CAST: variants seen among roughly 807,000 people sequenced by gnomAD.
CAST encodes the protein MIR583 host.
A neutral mutation model predicts 119.6 loss-of-function variants in CAST; 76 were observed. That is an observed-to-expected ratio of 0.64 (90% CI 0.53 to 0.77). The LOEUF is 0.77. CAST is among the 30% of genes least tolerant of loss of function. The probability of loss-of-function intolerance (pLI) is 0.00; values close to 1 mark genes in which losing one functional copy is unlikely to be tolerated. For missense variants in CAST, 953 were observed against 946.5 expected, an observed-to-expected ratio of 1.01 and a Z score of -0.09; for synonymous variants, 319 against 331.6, an observed-to-expected ratio of 0.96 and a Z score of 0.41.
the CAST span, among the ~76,000 whole-genome samples, chr5:95,989,570 C>T: frequency 5.3e-5 from 8 of 152,294 alleles, no homozygotes; most frequent in Non-Finnish European, 1.2e-4. Context: ...TACCTGGACT[C>T]CAAACAGTAA....
At chr5:96,663,897 G>A (rs2150218536) in intron 1 of CAST, among the ~76,000 whole-genome samples, 1 of 147,278 alleles carries the variant, frequency 6.8e-6, no homozygotes, top group South Asian at 2.1e-4. Context: ...CACTTCTAGT[G>A]TTTTGGAACC....
At chr5:96,186,728 G>C in the CAST span, among the ~76,000 whole-genome samples, 1 of 152,166 alleles carries the variant, frequency 6.6e-6, no homozygotes. Context: ...TAAGCTTTTT[G>C]ATGTGCTGGT....
chr5:96,381,753 A>G, the CAST span, among the ~76,000 whole-genome samples: 2 of 152,188 alleles, frequency 1.3e-5, no homozygotes, highest in Non-Finnish European at 2.9e-5. Context: ...TTGATCTCAG[A>G]TACTAGTCTC....
chr5:96,747,503 A>C, intron 18 of CAST, 111 bp downstream of exon 18: 1 of 647,864 alleles, frequency 1.5e-6, no homozygotes, highest in Non-Finnish European at 2.7e-6. Flanking sequence ...ATGCTAACCT[A>C]GTACAGAGGA....
chr5:96,557,869 C>T (rs977242796), intron 1 of CAST, among the ~76,000 whole-genome samples: 1 of 152,204 alleles, frequency 6.6e-6, no homozygotes, highest in Non-Finnish European at 1.5e-5. Flanking sequence ...CAGAAATCTA[C>T]AGAACTCTCC....
At chr5:96,137,514 T>TA in the CAST span, among the ~76,000 whole-genome samples, 1 of 152,086 alleles carries the variant, frequency 6.6e-6, no homozygotes, top group South Asian at 2.1e-4. Context: ...GTCAATTAGG[T>TA]AGATACCTAG....
chr5:96,119,756 G>A, the CAST span, among the ~76,000 whole-genome samples: 1 of 152,164 alleles, frequency 6.6e-6, no homozygotes, highest in Admixed American at 6.5e-5. Flanking sequence ...TGATTCTTCT[G>A]AGAGGAAGGT....
chr5:96,021,614 T>A, the CAST span, among the ~76,000 whole-genome samples: 1 of 152,048 alleles, frequency 6.6e-6, no homozygotes, highest in South Asian at 2.1e-4. Context: ...CCCAGCTAAT[T>A]TTTTTGTATT....
At chr5:95,963,400 G>C in the CAST span, among the ~76,000 whole-genome samples, 1 of 152,164 alleles carries the variant, frequency 6.6e-6, no homozygotes, top group Non-Finnish European at 1.5e-5. Flanking sequence ...GGAAACACCT[G>C]TATTAAGTGT....
chr5:96,565,096 G>GTGTGTT (rs1746443926), intron 1 of CAST, among the ~76,000 whole-genome samples: 1 of 151,702 alleles, frequency 6.6e-6, no homozygotes. Flanking sequence ...GTGTGTGTGT[G>GTGTGTT]TGTGTGTGTA....
chr5:96,534,737 GAGAGAAAGAAAGAAAGAA>G lies in CAST; in HGVS notation c.60+4861_60+4878del, dbSNP rs1313268038. 8.3e-3 allele frequency among the ~76,000 whole-genome samples: 118 copies of G among 14,200 alleles called. 1 individual carries two copies. Among genetic ancestry groups the G allele is most frequent in the African/African-American group, 0.023 (105 of 4,624 alleles). The allele number at this position is 14,200 out of a possible 152,430, so 9.3% of individuals were successfully genotyped here. On this transcript the variant is annotated intron_variant, in intron 1 of 11. Transcript: ENST00000505143. ...AAGGAGAGAGAGAGAGAGAGAGAGA[GAGAGAAAGAAAGAAAGAA>G]AGAAAGAAAGAAAGAAAGAAAGAAA...
chr5:95,967,321 C>A, the CAST span, among the ~76,000 whole-genome samples: 2 of 151,954 alleles, frequency 1.3e-5, no homozygotes, highest in African/African-American at 4.8e-5. Context: ...CAGAAGGATT[C>A]TTTGAGTCCA....
chr5:96,229,195 A>G, the CAST span, among the ~76,000 whole-genome samples: 17,638 of 151,378 alleles, frequency 0.12, 1,221 homozygotes, highest in East Asian at 0.22. Flanking sequence ...AATAATCATG[A>G]ACTGTATCAC....
chr5:96,234,032 G>C, the CAST span, among the ~76,000 whole-genome samples: 2 of 152,162 alleles, frequency 1.3e-5, no homozygotes, highest in Non-Finnish European at 2.9e-5. Flanking sequence ...TAGAGCATTT[G>C]ATTTCCCTGC....
the CAST span, among the ~76,000 whole-genome samples, chr5:96,353,272 T>C: frequency 6.6e-6 from 1 of 152,230 alleles, no homozygotes; most frequent in East Asian, 1.9e-4. Flanking sequence ...CCAAATTTTA[T>C]CTTCAGTTTA....
the CAST span, among the ~76,000 whole-genome samples, chr5:96,281,786 A>T: frequency 1.3e-5 from 2 of 152,222 alleles, no homozygotes; most frequent in African/African-American, 2.4e-5. Context: ...ATATGTAGCT[A>T]CATTTTCCAA....
At chr5:96,258,343 T>A in the CAST span, among the ~76,000 whole-genome samples, 1 of 152,184 alleles carries the variant, frequency 6.6e-6, no homozygotes. Context: ...GTTCTGTGAT[T>A]TATGATAATA....
the CAST span, among the ~76,000 whole-genome samples, chr5:96,384,355 A>G: frequency 3.9e-5 from 6 of 152,216 alleles, no homozygotes; most frequent in Non-Finnish European, 5.9e-5. Flanking sequence ...TTATTGTTCA[A>G]TAAGATACTT....
At chr5:96,482,361 C>T in the CAST span, among the ~76,000 whole-genome samples, 2 of 150,600 alleles carry the variant, frequency 1.3e-5, no homozygotes, top group Non-Finnish European at 3.0e-5. Flanking sequence ...TTTAAGCCAC[C>T]TAATTATGTG....
Sources: gnomAD v4.1 joint callset for allele counts (sites outside exome capture counted in the v4.1 genomes callset) on GRCh38, gnomAD v4.1.1 for gene constraint, MANE v1.5 for transcripts, NCBI Gene and HGNC (gene_info 2026-07-23, HGNC 2026-07-21) for gene names.